LEPR: variants seen among roughly 807,000 people sequenced by gnomAD.
LEPR encodes the protein OB receptor.
In LEPR, 56 loss-of-function variants were observed where a neutral mutation model predicts 114.7. That is an observed-to-expected ratio of 0.49 (90% CI 0.39 to 0.61). The LOEUF is 0.61. Among genes scored for constraint, LEPR ranks in the 20% least tolerant of loss-of-function variants. LEPR has a pLI of 0.00. For missense variants in LEPR, 1,202 were observed against 1,352.9 expected, an observed-to-expected ratio of 0.89 and a Z score of 1.75; for synonymous variants, 443 against 461.4, an observed-to-expected ratio of 0.96 and a Z score of 0.51.
At chr1:65,579,037 C>T (rs190214687) in intron 5 of LEPR, among the ~76,000 whole-genome samples, 13 of 152,322 alleles carry the variant, frequency 8.5e-5, no homozygotes, top group African/African-American at 2.9e-4. Flanking sequence ...GATGAACCTA[C>T]AAGCCCCTGC....
chr1:65,452,310 A>G (rs1464529898), intron 2 of LEPR, among the ~76,000 whole-genome samples: 1 of 150,512 alleles, frequency 6.6e-6, no homozygotes, highest in Non-Finnish European at 1.5e-5. Flanking sequence ...AACTTCCAAC[A>G]CTATGTTGAA....
intron 2 of LEPR, chr1:65,525,904 T>G (rs1649920435): frequency 2.8e-5 from 25 of 901,954 alleles, no homozygotes; most frequent in Non-Finnish European, 3.3e-5. Flanking sequence ...GGGACGCGCG[T>G]GGCAGACGCG....
chr1:65,481,856 A>T (rs1647250369), intron 2 of LEPR, among the ~76,000 whole-genome samples: 1 of 151,016 alleles, frequency 6.6e-6, no homozygotes, highest in Admixed American at 6.6e-5. Context: ...GAAAAGTTAA[A>T]ACCCTAAACA....
At chr1:65,456,154 G>T (rs576780693) in intron 2 of LEPR, among the ~76,000 whole-genome samples, 2 of 152,014 alleles carry the variant, frequency 1.3e-5, no homozygotes, top group African/African-American at 4.8e-5. Flanking sequence ...TGCACGGTGC[G>T]CGCACCCATT....
intron 19 of LEPR, chr1:65,634,485 C>A (rs938898721): frequency 2.7e-5 from 26 of 946,084 alleles, no homozygotes; most frequent in Middle Eastern, 5.4e-4. Flanking sequence ...AATGGATATA[C>A]TTTTAATAAA....
At chr1:65,483,884 T>A (rs72921469) in intron 2 of LEPR, among the ~76,000 whole-genome samples, 2,627 of 152,226 alleles carry the variant, frequency 0.017, 68 homozygotes, top group African/African-American at 0.06. Context: ...TCCTTGTTTT[T>A]TTTTCTTTAT....
At chr1:65,450,101 A>G (rs1450381737) in intron 2 of LEPR, among the ~76,000 whole-genome samples, 1 of 152,016 alleles carries the variant, frequency 6.6e-6, no homozygotes, top group Non-Finnish European at 1.5e-5. Flanking sequence ...GTTTAATTCT[A>G]TTGTGGTTTG....
At chr1:65,594,119 G>A (rs964056676) in intron 6 of LEPR, among the ~76,000 whole-genome samples, 1 of 151,986 alleles carries the variant, frequency 6.6e-6, no homozygotes, top group Non-Finnish European at 1.5e-5. Flanking sequence ...GTGATGGAGT[G>A]TCAGGGACTA....
intron 2 of LEPR, among the ~76,000 whole-genome samples, chr1:65,489,307 T>G (rs1426192452): frequency 6.6e-6 from 1 of 152,156 alleles, no homozygotes; most frequent in Non-Finnish European, 1.5e-5. Context: ...ATAAAAACCT[T>G]TTTAACTACA....
intron 2 of LEPR, 88 bp downstream of exon 2, chr1:65,425,466 A>G: frequency 8.8e-7 from 1 of 1,140,256 alleles, no homozygotes; most frequent in Non-Finnish European, 1.2e-6. Flanking sequence ...TCAATTTAGC[A>G]CCAAGTTCTA....
chr1:65,444,947 C>A (rs1462865767), intron 2 of LEPR, among the ~76,000 whole-genome samples: 1 of 152,142 alleles, frequency 6.6e-6, no homozygotes, highest in Admixed American at 6.5e-5. Flanking sequence ...TGACAAATAA[C>A]CTGACTGTTA....
chr1:65,551,637 T>A (rs967789318), intron 2 of LEPR, among the ~76,000 whole-genome samples: 1 of 152,170 alleles, frequency 6.6e-6, no homozygotes, highest in African/African-American at 2.4e-5. Flanking sequence ...TCTATTTTGT[T>A]GATCTTTTCA....
At chr1:65,622,506 C>T (rs1191691377) in intron 18 of LEPR, among the ~76,000 whole-genome samples, 3 of 151,952 alleles carry the variant, frequency 2.0e-5, no homozygotes, top group Non-Finnish European at 4.4e-5. Context: ...CCATCGTCTT[C>T]AGGCAAAAAA....
At chr1:65,628,580 GA>G (rs1182484469) in intron 19 of LEPR, among the ~76,000 whole-genome samples, 7 of 152,234 alleles carry the variant, frequency 4.6e-5, no homozygotes, top group Non-Finnish European at 8.8e-5. Context: ...AAATATCTCT[GA>G]ACATTGTGTT....
rs974484944 is a variant in LEPR at position 65,637,302 on chromosome 1, G to C, written c.*287G>C. On this transcript the variant is annotated 3_prime_UTR_variant, in exon 20 of 20. Coordinates refer to ENST00000349533, the MANE Select transcript of LEPR (RefSeq NM_002303.6). The stretch of plus-strand genomic sequence containing the variant: ...GCCCAACAGACACCATCTTTTGTGA[G>C]ATGTAATTGTTTTTTCAGAGGGCGT... 89 of 299,776 alleles carry C rather than the reference G, an allele frequency of 3.0e-4. 3 individuals are homozygous for C. In the South Asian group the frequency reaches 3.2e-3, roughly 11 times the overall value. The allele number at this position is 299,776 out of a possible 1,614,324, so 18.6% of individuals were successfully genotyped here.
At chr1:65,460,231 A>G (rs1646927641) in intron 2 of LEPR, among the ~76,000 whole-genome samples, 1 of 152,126 alleles carries the variant, frequency 6.6e-6, no homozygotes. Context: ...ATAGCTGAGG[A>G]CTGAAGCTCA....
At chr1:65,514,995 TTTATAAACGA>T (rs1230194156) in intron 2 of LEPR, among the ~76,000 whole-genome samples, 2 of 152,206 alleles carry the variant, frequency 1.3e-5, no homozygotes, top group Non-Finnish European at 2.9e-5. Context: ...ACCAAATAAA[TTTATAAACGA>T]TCATAGACCT....
Position 65,633,446 on chromosome 1 carries a change from G to A in LEPR, c.2674-2745G>A. The stretch of plus-strand genomic sequence containing the variant: ...GTAGTATTCATGATTTCTGGCTTTT[G>A]ATTTGTCATATTCCTGGTCATAAAA... On this transcript the variant is annotated intron_variant, in intron 19 of 19. Transcript: ENST00000349533. This position sits in a 1 kb window ranked among gnomAD's most constrained non-coding sequence, Gnocchi z 4.1. 7.9e-7 allele frequency: 1 copy of A among 1,260,040 alleles called. No homozygotes were observed. Among genetic ancestry groups the A allele is most frequent in the Non-Finnish European group, 1.0e-6 (1 of 1,002,826 alleles). The allele number at this position is 1,260,040 out of a possible 1,614,324, so 78.1% of individuals were successfully genotyped here.
chr1:65,526,126 C>T (rs542066872), intron 2 of LEPR: 737 of 967,416 alleles, frequency 7.6e-4, no homozygotes, highest in Admixed American at 1.3e-3. Flanking sequence ...AGCATGCCAC[C>T]CGGCCAACTT....
Sources: allele counts gnomAD v4.1 joint callset (sites outside exome capture counted in the v4.1 genomes callset), GRCh38; gene constraint gnomAD v4.1.1; non-coding constraint Gnocchi (gnomAD v3.1); transcripts MANE v1.5; gene names NCBI Gene and HGNC (gene_info 2026-07-23, HGNC 2026-07-21).